Variants in PCDHGC3 observed in about 807,000 individuals in gnomAD.
The protein encoded by PCDHGC3 is protocadherin gamma subfamily C, 3, also known as protocadherin gamma-C3.
In PCDHGC3, 26 loss-of-function variants were observed where a neutral mutation model predicts 59.2. That is an observed-to-expected ratio of 0.44 (90% CI 0.32 to 0.61). PCDHGC3 has a LOEUF of 0.61. Among genes scored for constraint, PCDHGC3 ranks in the 20% least tolerant of loss-of-function variants. The pLI is 0.05. For missense variants in PCDHGC3, 1,080 were observed against 1,221.8 expected, an observed-to-expected ratio of 0.88 and a Z score of 1.73; for synonymous variants, 487 against 519.7, an observed-to-expected ratio of 0.94 and a Z score of 0.86.
At chr5:141,507,178 G>A (rs548016031) in intron 3 of PCDHGC3, 4 of 152,350 alleles carry the variant, frequency 2.6e-5, no homozygotes, top group East Asian at 3.9e-4. Flanking sequence ...CCTCTTCCTC[G>A]AGCTCTGCTT....
rs1414210927 is a variant in PCDHGC3, at chr5:141,477,460, C to G, written c.1344C>G (p.Ser448=). 1.9e-6 allele frequency: 3 copies of G among 1,614,014 alleles called. No homozygotes were observed. The highest frequency in any genetic ancestry group is 2.5e-6 in the Non-Finnish European group (3 of 1,180,028). Residue 448 remains serine, a synonymous_variant, in exon 1 of 4, where the codon TCC becomes TCG. Transcript: ENST00000308177. The surrounding 1 kb of genome is among the most constrained non-coding windows in gnomAD (Gnocchi z 4.9). ...TTACAATAGTGCGTGTTCAAGTGTC[C>G]GACATCAATGACAACCCTCCACAAT... The part of the protein sequence containing the change: ...SALTIVRVQV[S]DINDNPPQSS...
chr5:141,494,074 C>A (rs2099751716), intron 1 of PCDHGC3, among the ~76,000 whole-genome samples: 1 of 152,180 alleles, frequency 6.6e-6, no homozygotes, highest in Non-Finnish European at 1.5e-5. Context: ...GGATCCCTCC[C>A]CGCTGCATCC....
rs1282403944 is a variant in PCDHGC3 at position 141,485,452 on chromosome 5, G to A, written c.2430+6906G>A. ...TCATCAAGAACCCAATCGACCGAGA[G>A]GCACTGTGTGGGCTCAGTGCCAGCT... On this transcript the variant is annotated intron_variant, in intron 1 of 3. Transcript: ENST00000308177. The surrounding 1 kb of genome is among the most constrained non-coding windows in gnomAD (Gnocchi z 5.7). 2.5e-6 allele frequency: 4 copies of A among 1,614,054 alleles called. No individual in the cohort carries two copies. Among genetic ancestry groups the A allele is most frequent in the East Asian group, 4.5e-5 (2 of 44,884 alleles).
In PCDHGC3 at chr5:141,491,049, G is replaced by A. The variant is rs369146505; in HGVS notation, c.2431-3758G>A. Reference sequence around the variant, plus strand: ...TGGATGCTGATGCAGGCCACAATGCGTGGCTCTCCTACTCACTGTTGCCAC... The same window carrying A: ...TGGATGCTGATGCAGGCCACAATGCATGGCTCTCCTACTCACTGTTGCCAC... On this transcript the variant is annotated intron_variant, in intron 1 of 3. Coordinates refer to ENST00000308177, the MANE Select transcript of PCDHGC3 (RefSeq NM_002588.4). This position sits in a 1 kb window ranked among gnomAD's most constrained non-coding sequence, Gnocchi z 6.9. The A allele has an allele frequency of 3.3e-5, 53 of 1,614,116 alleles. No individual in the cohort carries two copies. The African/African-American group carries it at 5.5e-4, about 17-fold the overall frequency.
intron 2 of PCDHGC3, among the ~76,000 whole-genome samples, chr5:141,502,905 A>T (rs1364939091): frequency 1.5e-5 from 2 of 131,814 alleles, no homozygotes; most frequent in Non-Finnish European, 3.0e-5. Flanking sequence ...CTCTGTTGCC[A>T]GGCTGGAGTG....
intron 1 of PCDHGC3, 110 bp from the exon 2 acceptor site, chr5:141,494,697 T>C: frequency 6.3e-7 from 1 of 1,590,934 alleles, no homozygotes; most frequent in Non-Finnish European, 8.6e-7. Flanking sequence ...TAGTCCGTTT[T>C]CTTCTCTGTG....
At position 141,486,455 on chromosome 5, in the gene PCDHGC3, T is replaced by G; in HGVS notation, c.2430+7909T>G. On this transcript the variant is annotated intron_variant, in intron 1 of 3. Transcript: ENST00000308177. This position sits in a 1 kb window ranked among gnomAD's most constrained non-coding sequence, Gnocchi z 5.0. Reference sequence around the variant, plus strand: ...TAGCTATGACATCATGGTCACTGCTTCTGATGCTGGGAACCCTCCTCTCAG... The same window carrying G: ...TAGCTATGACATCATGGTCACTGCTGCTGATGCTGGGAACCCTCCTCTCAG... 6.2e-7 allele frequency: 1 copy of G among 1,614,066 alleles called. No homozygotes were observed. Among genetic ancestry groups the G allele is most frequent in the Non-Finnish European group, 8.5e-7 (1 of 1,179,892 alleles).
Position 141,494,842 on chromosome 5 carries a change from G to A in PCDHGC3, c.2466G>A (p.Gln822=). 1 of 1,614,116 alleles carries A rather than the reference G, an allele frequency of 6.2e-7. No homozygotes were observed. Among genetic ancestry groups the A allele is most frequent in the Non-Finnish European group, 8.5e-7 (1 of 1,180,018 alleles). The change falls in exon 2 of 4, where the codon CAG becomes CAA. Residue 822 remains glutamine, a synonymous_variant. Coordinates refer to ENST00000308177, the MANE Select transcript of PCDHGC3 (RefSeq NM_002588.4). ...APPNTDWRFS[Q]AQRPGTSGSQ... is the part of the protein sequence containing the mutation. ...CCAACACGGACTGGCGTTTCTCTCA[G>A]GCCCAGAGACCCGGCACCAGCGGGT... is the stretch of plus-strand genomic sequence containing the variant.
Position 141,487,125 on chromosome 5 carries a change from G to A in PCDHGC3, c.2431-7682G>A. 6.2e-7 allele frequency: 1 copy of A among 1,614,112 alleles called. No homozygotes were observed. The highest frequency in any genetic ancestry group is 8.5e-7 in the Non-Finnish European group (1 of 1,179,994). The stretch of plus-strand genomic sequence containing the variant: ...CTGGTCATTGTGGTAAAGGATAGTG[G>A]TAGTCCACCACTCTCTACCTCTGTT... On this transcript the variant is annotated intron_variant, in intron 1 of 3. Coordinates refer to ENST00000308177, the MANE Select transcript of PCDHGC3 (RefSeq NM_002588.4). This position sits in a 1 kb window ranked among gnomAD's most constrained non-coding sequence, Gnocchi z 5.0.
chr5:141,501,290 TAC>T (rs55762287), intron 2 of PCDHGC3, among the ~76,000 whole-genome samples: 11,544 of 136,022 alleles, frequency 0.085, 708 homozygotes, highest in East Asian at 0.37. Context: ...TATTCCCTTA[TAC>T]ACACACACAC....
rs1386912520 is a variant in PCDHGC3 at position 141,505,425 on chromosome 5, C to T, written c.2522C>T (p.Pro841Leu). 1.2e-6 allele frequency: 2 copies of T among 1,614,060 alleles called. No individual in the cohort carries two copies. The highest frequency in any genetic ancestry group is 1.7e-6 in the Non-Finnish European group (2 of 1,180,022). The change falls in exon 3 of 4, where the codon CCC becomes CTC. Residue 841 changes from proline to leucine, a missense_variant. Physicochemically the swap from Pro to Leu is moderately conservative, Grantham distance 98 (BLOSUM62 -3). Transcript: ENST00000308177. ...AATGGCGATGACACCGGCACCTGGC[C>T]CAACAACCAGTTTGACACAGAGATG... ...SQNGDDTGTW[P>L]NNQFDTEMLQ... is the part of the protein sequence containing the mutation.
At chr5:141,479,573 C>A (rs1468041584) in intron 1 of PCDHGC3, 1 of 152,230 alleles carries the variant, frequency 6.6e-6, no homozygotes, top group Admixed American at 6.5e-5. Flanking sequence ...GGGATGACAT[C>A]TGTGAATAGC....
chr5:141,494,751 G>C (rs2099756509), intron 1 of PCDHGC3, 56 bp from the exon 2 acceptor site: 2 of 1,613,426 alleles, frequency 1.2e-6, no homozygotes, highest in African/African-American at 1.3e-5. Flanking sequence ...AGGGGCTCGG[G>C]TGACATTCTA....
In PCDHGC3 at chr5:141,489,088, G is replaced by GGCA; in HGVS notation, c.2431-5719_2431-5718insGCA. The GGCA allele has an allele frequency of 2.9e-6, 1 of 347,238 alleles. No individual in the cohort carries two copies. Among genetic ancestry groups the GGCA allele is most frequent in the Non-Finnish European group, 5.0e-6 (1 of 200,706 alleles). The allele number at this position is 347,238 out of a possible 1,614,324, so 21.5% of individuals were successfully genotyped here. A position where few individuals can be genotyped will look rare whatever the true frequency, so the allele number is the denominator to read the frequency against. The stretch of plus-strand genomic sequence containing the variant: ...CCCCTGCCCACCCCCGCCACTCGGT[G>GGCA]ACTAAGAACTGCTGCAAGCAGGCAA... On this transcript the variant is annotated intron_variant, in intron 1 of 3. Coordinates refer to ENST00000308177, the MANE Select transcript of PCDHGC3 (RefSeq NM_002588.4). This position sits in a 1 kb window ranked among gnomAD's most constrained non-coding sequence, Gnocchi z 4.5.
Position 141,486,282 on chromosome 5 carries a change from C to G in PCDHGC3, c.2430+7736C>G. On this transcript the variant is annotated intron_variant, in intron 1 of 3. Transcript: ENST00000308177. This position sits in a 1 kb window ranked among gnomAD's most constrained non-coding sequence, Gnocchi z 5.0. ...AGTGCAGAACCTGGCACTGTGGTGG[C>G]ACTTATCAGTGTGCAGGATCCAGAC... The G allele has an allele frequency of 1.2e-6, 2 of 1,614,052 alleles. No homozygotes were observed. The highest frequency in any genetic ancestry group is 1.7e-6 in the Non-Finnish European group (2 of 1,179,992).
intron 2 of PCDHGC3, among the ~76,000 whole-genome samples, chr5:141,497,126 C>T (rs565697662): frequency 8.2e-4 from 125 of 151,844 alleles, no homozygotes; most frequent in African/African-American, 3.0e-3. Flanking sequence ...GCAGAGGTTG[C>T]AGTGAGCTGA....
chr5:141,491,855 G>A lies in PCDHGC3; in HGVS notation c.2431-2952G>A. ...TTCTCGGGATCATTGGACCGTTTGC[G>A]CGAAACCAGAGTGGCCGATTAAGGG... On this transcript the variant is annotated intron_variant, in intron 1 of 3. Coordinates refer to ENST00000308177, the MANE Select transcript of PCDHGC3 (RefSeq NM_002588.4). The surrounding 1 kb of genome is among the most constrained non-coding windows in gnomAD (Gnocchi z 6.9). The A allele has an allele frequency of 2.7e-6, 4 of 1,459,380 alleles. No individual in the cohort carries two copies. The highest frequency in any genetic ancestry group is 3.6e-6 in the Non-Finnish European group (4 of 1,103,492). The allele number at this position is 1,459,380 out of a possible 1,614,324, so 90.4% of individuals were successfully genotyped here. A position where few individuals can be genotyped will look rare whatever the true frequency, so the allele number is the denominator to read the frequency against.
At position 141,476,591 on chromosome 5, in the gene PCDHGC3, G is replaced by C. The variant is rs200254399; in HGVS notation, c.475G>C (p.Ala159Pro). The C allele has an allele frequency of 6.2e-7, 1 of 1,614,230 alleles. No homozygotes were observed. Among genetic ancestry groups the C allele is most frequent in the East Asian group, 2.2e-5 (1 of 44,870 alleles). The change falls in exon 1 of 4, where the codon GCG (alanine) becomes CCG (proline). Residue 159 changes from alanine (A) to proline (P), a missense_variant. Physicochemically the swap from Ala to Pro is conservative, Grantham distance 27. Coordinates refer to ENST00000308177, the MANE Select transcript of PCDHGC3 (RefSeq NM_002588.4). This position sits in a 1 kb window ranked among gnomAD's most constrained non-coding sequence, Gnocchi z 7.6. ...GGGGACGCGCTTTCCGCTCGAGAGCGCGCACGATCCCGATGTGGGAAGCAA... is the reference window on the plus strand; with the variant it reads ...GGGGACGCGCTTTCCGCTCGAGAGCCCGCACGATCCCGATGTGGGAAGCAA... ...APGTRFPLES[A>P]HDPDVGSNSL...
In PCDHGC3 at chr5:141,487,153, T is replaced by C; in HGVS notation, c.2431-7654T>C. The stretch of plus-strand genomic sequence containing the variant: ...GTCCACCACTCTCTACCTCTGTTAC[T>C]CTCTTAGTGTCCTTAGAGGAAGACA... On this transcript the variant is annotated intron_variant, in intron 1 of 3. Coordinates refer to ENST00000308177, the MANE Select transcript of PCDHGC3 (RefSeq NM_002588.4). This position sits in a 1 kb window ranked among gnomAD's most constrained non-coding sequence, Gnocchi z 5.0. 3 of 1,613,954 alleles carry C rather than the reference T, an allele frequency of 1.9e-6. No individual in the cohort carries two copies. Among genetic ancestry groups the C allele is most frequent in the Non-Finnish European group, 2.5e-6 (3 of 1,179,838 alleles).
Sources: allele counts gnomAD v4.1 joint callset (sites outside exome capture counted in the v4.1 genomes callset), GRCh38; gene constraint gnomAD v4.1.1; non-coding constraint Gnocchi (gnomAD v3.1); transcripts MANE v1.5; gene names NCBI Gene and HGNC (gene_info 2026-07-23, HGNC 2026-07-21).